SOD2: variants seen among roughly 807,000 people sequenced by gnomAD.
SOD2 encodes the protein superoxide dismutase 2.
In SOD2, 11 loss-of-function variants were observed where a neutral mutation model predicts 27.0. The observed-to-expected ratio is 0.41, with a 90% confidence interval of 0.26 to 0.67. The LOEUF (loss-of-function observed/expected upper bound fraction) is 0.67. Ranked by LOEUF, SOD2 falls within the 30% of genes least tolerant of loss-of-function variation. SOD2 has a pLI of 0.34. For synonymous variants in SOD2, 105 were observed against 103.0 expected, an observed-to-expected ratio of 1.02 and a Z score of -0.12; for missense variants, 250 against 274.5, an observed-to-expected ratio of 0.91 and a Z score of 0.63.
At chr6:159,727,577 G>T, upstream of SOD2, 1 of 987,278 alleles carries the variant, frequency 1.0e-6, no homozygotes, top group Non-Finnish European at 1.2e-6. Flanking sequence ...GCGGGACTAG[G>T]AGCGCGGCGG....
rs557007251 is a variant in SOD2, at chr6:159,680,546, A to AT, written c.*1946dup. On this transcript the variant is annotated 3_prime_UTR_variant, in exon 5 of 5. Coordinates refer to ENST00000538183, the MANE Select transcript of SOD2 (RefSeq NM_000636.4). ...AATATTGAAACTGCTAAGTTACCCCATTTTTCCATGAAAAAAAAATAGAAA... is the reference window on the plus strand; with the variant it reads ...AATATTGAAACTGCTAAGTTACCCCATTTTTTCCATGAAAAAAAAATAGAAA... The AT allele has an allele frequency of 1.3e-4, 19 of 151,910 alleles. No homozygotes were observed. In the South Asian group the frequency reaches 4.0e-3, roughly 32 times the overall value. 9.4% of individuals were successfully genotyped at this position (151,910 alleles called of 1,614,324 possible).
At chr6:159,734,665 A>G (rs958374151) in intron 1 of SOD2, among the ~76,000 whole-genome samples, 27 of 152,182 alleles carry the variant, frequency 1.8e-4, no homozygotes, top group African/African-American at 5.8e-4. Flanking sequence ...AAGAATAGGA[A>G]AAACTAAATT....
intron 1 of SOD2, among the ~76,000 whole-genome samples, chr6:159,757,800 TATATC>T (rs1337596972): frequency 1.2e-4 from 19 of 152,252 alleles, no homozygotes; most frequent in South Asian, 2.1e-4. Context: ...TGGTGTTTGA[TATATC>T]AGATACTGTG....
In SOD2 at chr6:159,711,664, T is replaced by C. The variant is rs1447807006; in HGVS notation, c.-116+15465A>G. 3.7e-3 allele frequency among the ~76,000 whole-genome samples: 91 copies of C among 24,316 alleles called. 2 individuals carry two copies. The highest frequency in any genetic ancestry group is 0.024 in the Middle Eastern group (1 of 42). 16.0% of individuals were successfully genotyped at this position (24,316 alleles called of 152,430 possible). A position where few individuals can be genotyped will look rare whatever the true frequency, so the allele number is the denominator to read the frequency against. ...ACCACCTCCAATACCACCACTCACA[T>C]TGCTCTGATCACCATAACCACCTCC... On this transcript the variant is annotated intron_variant, in intron 1 of 2. Transcript: ENST00000401980.
chr6:159,746,824 G>A (rs915794824), upstream of SOD2, among the ~76,000 whole-genome samples: 1 of 152,138 alleles, frequency 6.6e-6, no homozygotes, highest in Non-Finnish European at 1.5e-5. Flanking sequence ...CTAGAACATG[G>A]AATTTATTCT....
rs976211108 is a variant in SOD2 at position 159,672,607 on chromosome 6, T to G, written c.*9886A>C. On this transcript the variant is annotated 3_prime_UTR_variant, in exon 5 of 5. Coordinates refer to ENST00000538183, the MANE Select transcript of SOD2 (RefSeq NM_000636.4). ...CCTGAAGGAAGCACTAAACATGGAA[T>G]GGAACAACCAGTATCAGCCACTGCA... is the stretch of plus-strand genomic sequence containing the variant. 6.6e-6 allele frequency: 1 copy of G among 152,092 alleles called. No individual in the cohort carries two copies. The highest frequency in any genetic ancestry group is 2.4e-5 in the African/African-American group (1 of 41,422). The allele number at this position is 152,092 out of a possible 1,614,324, so 9.4% of individuals were successfully genotyped here.
upstream of SOD2, among the ~76,000 whole-genome samples, chr6:159,693,632 C>T (rs913574224): frequency 4.6e-5 from 7 of 152,342 alleles, no homozygotes; most frequent in East Asian, 1.4e-3. Context: ...GCGGCGCCTG[C>T]CCCTGAGTTT....
intron 1 of SOD2, among the ~76,000 whole-genome samples, chr6:159,710,438 ACT>A (rs1411761612): frequency 1.3e-5 from 2 of 151,890 alleles, no homozygotes; most frequent in African/African-American, 2.4e-5. Context: ...ACAGAGTTAG[ACT>A]CTGTCTCAAA....
At chr6:159,719,731 C>CTTTTT (rs371158323) in intron 1 of SOD2, among the ~76,000 whole-genome samples, 2 of 141,334 alleles carry the variant, frequency 1.4e-5, no homozygotes, top group Non-Finnish European at 3.0e-5. Context: ...CTTTTATTTT[C>CTTTTT]TTTTTTTTTT....
chr6:159,710,726 C>T (rs567732540), intron 1 of SOD2, among the ~76,000 whole-genome samples: 4 of 148,576 alleles, frequency 2.7e-5, no homozygotes, highest in South Asian at 4.5e-4. Flanking sequence ...CCACCAGTCA[C>T]ACTGCTCTGA....
chr6:159,719,206 CTT>C (rs1298463648), intron 1 of SOD2, among the ~76,000 whole-genome samples: 7 of 152,078 alleles, frequency 4.6e-5, no homozygotes, highest in Admixed American at 2.6e-4. Flanking sequence ...ATAGAGCTCT[CTT>C]TTCCTGTTTT....
intron 2 of SOD2, chr6:159,691,076 A>C (rs970027950): frequency 1.3e-5 from 2 of 152,246 alleles, no homozygotes; most frequent in Non-Finnish European, 2.9e-5. Context: ...AATCACTTAT[A>C]AACAATATAG....
chr6:159,750,541 A>G (rs1337191788), intron 1 of SOD2, among the ~76,000 whole-genome samples: 4 of 152,212 alleles, frequency 2.6e-5, no homozygotes, highest in Admixed American at 1.3e-4. Context: ...CATCAAGATA[A>G]TTTCTATGCA....
chr6:159,753,360 T>C (rs747251451), intron 1 of SOD2: 130 of 1,494,390 alleles, frequency 8.7e-5, no homozygotes, highest in Non-Finnish European at 1.1e-4. Context: ...TGCTGTGATA[T>C]AGTTATGTTT....
upstream of SOD2, chr6:159,693,306 G>C (rs1218192565): frequency 7.5e-6 from 4 of 534,534 alleles, no homozygotes; most frequent in Middle Eastern, 5.4e-4. Context: ...CCCCAGCTGC[G>C]CCGCAAGGGC....
Position 159,705,469 on chromosome 6 carries a change from C to T in SOD2, c.-115-12606G>A, listed in dbSNP as rs190864434. ...AAACCATGGCACAAGAACTACGTGA[C>T]GAATGCACAAGCTTCAGTAGCCGAT... On this transcript the variant is annotated intron_variant, in intron 1 of 2. Coordinates refer to the SOD2 transcript ENST00000401980. Among the ~76,000 whole-genome samples the T allele has an allele frequency of 8.0e-3, 1,222 of 151,996 alleles. 13 individuals carry two copies. The highest frequency in any genetic ancestry group is 0.027 in the African/African-American group (1,117 of 41,458).
chr6:159,715,540 C>T (rs1220313149), intron 1 of SOD2, among the ~76,000 whole-genome samples: 8 of 152,120 alleles, frequency 5.3e-5, no homozygotes, highest in Admixed American at 2.0e-4. Flanking sequence ...AGGATCTTAC[C>T]GTTGCATCCA....
At chr6:159,709,203 T>C (rs921490224) in intron 1 of SOD2, among the ~76,000 whole-genome samples, 5 of 152,148 alleles carry the variant, frequency 3.3e-5, no homozygotes, top group Admixed American at 3.3e-4. Flanking sequence ...GACATAGGCA[T>C]GGGCAAGGAC....
At chr6:159,762,260 C>A (rs1203274173) in exon 1 of SOD2, 3 of 1,339,302 alleles carry the variant, frequency 2.2e-6, no homozygotes, top group South Asian at 1.5e-5. Flanking sequence ...CAGGCCAAGC[C>A]GCGAGGAGCC....
Sources: allele counts gnomAD v4.1 joint callset (sites outside exome capture counted in the v4.1 genomes callset), GRCh38; gene constraint gnomAD v4.1.1; transcripts MANE v1.5; gene names NCBI Gene and HGNC (gene_info 2026-07-23, HGNC 2026-07-21).